TEX11: variants seen among roughly 807,000 people sequenced by gnomAD.
The protein encoded by TEX11 is testis expressed 11.
TEX11 carries 7 observed loss-of-function variants against 84.4 expected under a neutral mutation model. The ratio of observed to expected loss-of-function variants is 0.08; its 90% CI spans 0.05 to 0.16. The LOEUF is 0.16. Ranked by LOEUF, TEX11 falls within the 10% of genes least tolerant of loss-of-function variation. The pLI is 1.00. For missense variants in TEX11, 551 were observed against 660.5 expected, an observed-to-expected ratio of 0.83 and a Z score of 1.82; for synonymous variants, 264 against 222.8, an observed-to-expected ratio of 1.18 and a Z score of -1.64.
intron 9 of TEX11, among the ~76,000 whole-genome samples, chrX:70,802,765 A>C (rs1215199497): frequency 8.9e-6 from 1 of 111,973 alleles, no homozygotes; most frequent in South Asian, 3.7e-4. Flanking sequence ...AGGGAAAAAA[A>C]TCTGCGAAGT....
At chrX:70,769,775 AG>A (rs958089824) in intron 9 of TEX11, among the ~76,000 whole-genome samples, 17 of 111,388 alleles carry the variant, frequency 1.5e-4, no homozygotes, top group African/African-American at 5.5e-4. Context: ...AGCTCTAAAG[AG>A]TTATCTATAT....
At chrX:70,661,563 A>G (rs1437130648) in intron 16 of TEX11, among the ~76,000 whole-genome samples, 1 of 112,017 alleles carries the variant, frequency 8.9e-6, no homozygotes, top group African/African-American at 3.2e-5. Context: ...ATCTGAGAAT[A>G]GACAGACTGC....
At chrX:70,846,925 A>C (rs757083342) in intron 7 of TEX11, among the ~76,000 whole-genome samples, 1 of 110,234 alleles carries the variant, frequency 9.1e-6, no homozygotes, top group East Asian at 2.8e-4. Flanking sequence ...CTCTGTCTCA[A>C]AAAAAAAGGA....
intron 20 of TEX11, among the ~76,000 whole-genome samples, chrX:70,610,754 C>T (rs1221158352): frequency 9.0e-6 from 1 of 111,610 alleles, no homozygotes; most frequent in Non-Finnish European, 1.9e-5. Context: ...TATTTTTTCT[C>T]TCTTCTACTT....
At chrX:70,828,181 G>A (rs1346965351) in intron 8 of TEX11, among the ~76,000 whole-genome samples, 11 of 110,668 alleles carry the variant, frequency 9.9e-5, no homozygotes, top group African/African-American at 3.6e-4. Flanking sequence ...CCCAGACACC[G>A]ATGAATATCT....
intron 5 of TEX11, among the ~76,000 whole-genome samples, chrX:70,854,401 T>A (rs1481000298): frequency 1.8e-5 from 2 of 110,315 alleles, no homozygotes; most frequent in Non-Finnish European, 3.8e-5. Context: ...AACTCCAAAT[T>A]TGATTTTAAA....
At chrX:70,657,479 A>G (rs2089880249) in intron 16 of TEX11, among the ~76,000 whole-genome samples, 1 of 110,568 alleles carries the variant, frequency 9.0e-6, no homozygotes, top group African/African-American at 3.3e-5. Context: ...CAGCAGCAGC[A>G]TCAGCAGCAG....
intron 28 of TEX11, among the ~76,000 whole-genome samples, chrX:70,546,871 G>A (rs976319734): frequency 9.1e-6 from 1 of 109,621 alleles, no homozygotes; most frequent in African/African-American, 3.3e-5. Context: ...ATATATTCAA[G>A]AGAATTAAAC....
chrX:70,842,151 T>C (rs2091449609), intron 7 of TEX11, among the ~76,000 whole-genome samples: 1 of 111,064 alleles, frequency 9.0e-6, no homozygotes, highest in African/African-American at 3.3e-5. Context: ...ATCATCCTGA[T>C]ACCAAAGCCT....
downstream of TEX11, among the ~76,000 whole-genome samples, chrX:70,528,483 ATTTTT>A (rs141611218): frequency 1.0e-5 from 1 of 96,067 alleles, no homozygotes; most frequent in Non-Finnish European, 2.1e-5. Context: ...ATGCCTGGCT[ATTTTT>A]TTTTTTTTTG....
intron 8 of TEX11, among the ~76,000 whole-genome samples, chrX:70,817,349 G>A (rs1319903544): frequency 1.8e-5 from 2 of 109,716 alleles, no homozygotes; most frequent in Admixed American, 9.8e-5. Flanking sequence ...ATAAGGATGC[G>A]TAATGCCCAG....
intron 10 of TEX11, among the ~76,000 whole-genome samples, chrX:70,741,252 T>C (rs1003131761): frequency 2.7e-5 from 3 of 111,087 alleles, no homozygotes; most frequent in Non-Finnish European, 5.7e-5. Flanking sequence ...TTCATAACAG[T>C]GAAAGTGTCA....
At chrX:70,888,618 T>C (rs1013474081) in intron 2 of TEX11, among the ~76,000 whole-genome samples, 1 of 111,631 alleles carries the variant, frequency 9.0e-6, no homozygotes, top group Non-Finnish European at 1.9e-5. Flanking sequence ...TAATAGTTAT[T>C]GGCCTTAAAG....
rs548758125 is a variant in TEX11 at position 70,783,720 on chromosome X, A to G, written c.692+22985T>C. ...CACATCTATGCAAATAAACAAGAAA[A>G]TCTCGAGGGAATGGATAAATTCCTG... On this transcript the variant is annotated intron_variant, in intron 9 of 29. Coordinates refer to ENST00000374333, the MANE Select transcript of TEX11 (RefSeq NM_031276.3). Among the ~76,000 whole-genome samples, 41 of 112,025 alleles carry G rather than the reference A, an allele frequency of 3.7e-4. No individual in the cohort carries two copies. In the South Asian group the frequency reaches 6.3e-3, roughly 17 times the overall value.
intron 4 of TEX11, among the ~76,000 whole-genome samples, chrX:70,864,281 A>T (rs1477491863): frequency 1.8e-5 from 2 of 111,182 alleles, no homozygotes; most frequent in African/African-American, 6.5e-5. Flanking sequence ...ACACATAATC[A>T]TCAGATTCTC....
chrX:70,650,985 C>T (rs1662263010), intron 17 of TEX11, among the ~76,000 whole-genome samples: 1 of 111,905 alleles, frequency 8.9e-6, no homozygotes, highest in Admixed American at 9.5e-5. Flanking sequence ...AGACTGTCTA[C>T]TCTGTGGAGA....
At chrX:70,526,477 G>A (rs2147920866), downstream of TEX11, among the ~76,000 whole-genome samples, 1 of 109,628 alleles carries the variant, frequency 9.1e-6, no homozygotes, top group Non-Finnish European at 1.9e-5. Context: ...GTTGAGGCAG[G>A]AGAATCGCTT....
At position 70,752,836 on chromosome X, in the gene TEX11, A is replaced by C. The variant is rs1004651058; in HGVS notation, c.693-8617T>G. 1.1e-4 allele frequency among the ~76,000 whole-genome samples: 12 copies of C among 110,998 alleles called. No individual in the cohort carries two copies. The East Asian group carries it at 3.1e-3, about 29-fold the overall frequency. On this transcript the variant is annotated intron_variant, in intron 9 of 29. Coordinates refer to ENST00000374333, the MANE Select transcript of TEX11 (RefSeq NM_031276.3). ...GTAGAAAAACAGTCTTGAATCGCAG[A>C]AGCCACCCTTTTCCCGTCCCCTGGC...
chrX:70,874,972 C>T (rs1349793730), intron 3 of TEX11, among the ~76,000 whole-genome samples: 2 of 108,923 alleles, frequency 1.8e-5, no homozygotes, highest in South Asian at 4.1e-4. Flanking sequence ...GTCAGGTGTT[C>T]GAGACCAGCC....
Sources: allele counts gnomAD v4.1 joint callset (sites outside exome capture counted in the v4.1 genomes callset), GRCh38; gene constraint gnomAD v4.1.1; transcripts MANE v1.5; gene names NCBI Gene and HGNC (gene_info 2026-07-23, HGNC 2026-07-21).